Variants in RBFOX1 observed in about 807,000 individuals in gnomAD.
The protein encoded by RBFOX1 is RNA binding fox-1 homolog 1.
In RBFOX1, 8 loss-of-function variants were observed where a neutral mutation model predicts 57.7. The observed-to-expected ratio is 0.14, with a 90% CI of 0.08 to 0.25. The LOEUF is 0.25. Ranked by LOEUF, RBFOX1 falls within the 10% of genes least tolerant of loss-of-function variation. The pLI is 1.00. For missense variants in RBFOX1, 611 were observed against 548.5 expected (o/e 1.11, Z -1.14); for synonymous variants, 326 against 222.4 (o/e 1.47, Z -4.15).
chr16:6,197,145 G>A (rs1222726927), intron 1 of RBFOX1, among the ~76,000 whole-genome samples: 2 of 152,134 alleles, frequency 1.3e-5, no homozygotes, highest in African/African-American at 4.8e-5. Flanking sequence ...TTAAATGCAT[G>A]CATGTCACCA....
chr16:7,251,957 G>T (rs1313918180), intron 4 of RBFOX1, among the ~76,000 whole-genome samples: 1 of 152,104 alleles, frequency 6.6e-6, no homozygotes, highest in African/African-American at 2.4e-5. Flanking sequence ...CCCACCAACA[G>T]TGGGGCACTG....
At chr16:7,053,606 G>A (rs1169723920) in intron 4 of RBFOX1, among the ~76,000 whole-genome samples, 1 of 152,190 alleles carries the variant, frequency 6.6e-6, no homozygotes, top group African/African-American at 2.4e-5. Flanking sequence ...TGCTTGGCAA[G>A]TTAAGGACGC....
intron 3 of RBFOX1, among the ~76,000 whole-genome samples, chr16:6,779,836 TA>T (rs1440037633): frequency 2.3e-5 from 1 of 44,136 alleles, no homozygotes; most frequent in African/African-American, 1.1e-4. Flanking sequence ...TATTTTTATA[TA>T]TTTATATATA....
intron 3 of RBFOX1, among the ~76,000 whole-genome samples, chr16:6,911,993 G>A (rs1022454614): frequency 2.6e-5 from 4 of 152,220 alleles, no homozygotes; most frequent in South Asian, 2.1e-4. Context: ...GAATAAAGAT[G>A]TTAAGTAGAG....
Position 7,330,472 on chromosome 16 carries a change from C to CTGTGTG in RBFOX1, c.28-187643_28-187638dup, listed in dbSNP as rs71391624. On this transcript the variant is annotated intron_variant, in intron 4 of 15. Coordinates refer to ENST00000550418, the MANE Select transcript of RBFOX1 (RefSeq NM_018723.4). ...GTGGAACCCCAGAATATGGAGAGCTCTGTGTGTGTGTGTGTGTGTGTGTGT... is the reference window on the plus strand; with the variant it reads ...GTGGAACCCCAGAATATGGAGAGCTCTGTGTGTGTGTGTGTGTGTGTGTGTGTGTGT... 2.0e-3 allele frequency among the ~76,000 whole-genome samples: 189 copies of CTGTGTG among 94,408 alleles called. 2 individuals carry two copies. Among genetic ancestry groups the CTGTGTG allele is most frequent in the South Asian group, 4.4e-3 (11 of 2,476 alleles). 61.9% of individuals were successfully genotyped at this position (94,408 alleles called of 152,430 possible). A position where few individuals can be genotyped will look rare whatever the true frequency, so the allele number is the denominator to read the frequency against.
At chr16:5,804,554 G>A (rs554500234) in intron 3 of RBFOX1, among the ~76,000 whole-genome samples, 1 of 152,152 alleles carries the variant, frequency 6.6e-6, no homozygotes, top group Non-Finnish European at 1.5e-5. Flanking sequence ...TGAATTCCAG[G>A]TATGAGTTGC....
intron 3 of RBFOX1, among the ~76,000 whole-genome samples, chr16:5,835,574 A>T (rs1341642989): frequency 6.6e-6 from 1 of 152,180 alleles, no homozygotes; most frequent in Non-Finnish European, 1.5e-5. Context: ...GGCAGGGCCC[A>T]GGAATCTGCA....
At chr16:6,687,696 T>C (rs570885270) in intron 3 of RBFOX1, among the ~76,000 whole-genome samples, 3 of 152,276 alleles carry the variant, frequency 2.0e-5, no homozygotes, top group African/African-American at 7.2e-5. Context: ...CTGTATGGTT[T>C]TTCAAAGTTG....
chr16:5,351,498 G>T (rs1280350294), intron 1 of RBFOX1, among the ~76,000 whole-genome samples: 3 of 152,050 alleles, frequency 2.0e-5, no homozygotes. Flanking sequence ...CCTATTGATG[G>T]GTCTCAGGAG....
chr16:6,859,162 T>TACGTATACATAC (rs1567593044), intron 3 of RBFOX1, among the ~76,000 whole-genome samples: 1 of 90,114 alleles, frequency 1.1e-5, no homozygotes, highest in African/African-American at 6.4e-5. Flanking sequence ...TGTATATATA[T>TACGTATACATAC]ACGTATATAT....
chr16:6,308,315 C>A (rs1217006863), intron 1 of RBFOX1, among the ~76,000 whole-genome samples: 1 of 151,774 alleles, frequency 6.6e-6, no homozygotes, highest in East Asian at 1.9e-4. Flanking sequence ...TATGTAGATC[C>A]TTGTGGCCCT....
chr16:6,851,236 A>G (rs1048841052), intron 3 of RBFOX1, among the ~76,000 whole-genome samples: 5 of 152,178 alleles, frequency 3.3e-5, no homozygotes. Context: ...TTAAAATTCT[A>G]GATATAGAGA....
chr16:7,613,941 T>C (rs940638230), intron 10 of RBFOX1, among the ~76,000 whole-genome samples: 33 of 152,320 alleles, frequency 2.2e-4, no homozygotes, highest in African/African-American at 7.7e-4. Context: ...GATTTGGCTA[T>C]AAAAAGTCCT....
chr16:6,794,044 T>C (rs147407660), intron 3 of RBFOX1, among the ~76,000 whole-genome samples: 168 of 152,210 alleles, frequency 1.1e-3, no homozygotes, highest in African/African-American at 3.6e-3. Flanking sequence ...GGAATTTCTA[T>C]CAAACAGGAG....
intron 3 of RBFOX1, among the ~76,000 whole-genome samples, chr16:5,725,066 A>T (rs768300294): frequency 1.3e-5 from 2 of 152,068 alleles, no homozygotes; most frequent in Non-Finnish European, 2.9e-5. Context: ...CCAGTGGATA[A>T]TGAGGGTGTG....
At chr16:7,306,582 T>C (rs1162042245) in intron 4 of RBFOX1, among the ~76,000 whole-genome samples, 1 of 146,832 alleles carries the variant, frequency 6.8e-6, no homozygotes, top group Non-Finnish European at 1.5e-5. Context: ...ATGGTGTGCG[T>C]GTGTGTGTGT....
chr16:7,141,675 A>G (rs749951021), intron 4 of RBFOX1, among the ~76,000 whole-genome samples: 2 of 152,188 alleles, frequency 1.3e-5, no homozygotes, highest in Non-Finnish European at 2.9e-5. Flanking sequence ...AGTGTTTACA[A>G]GGGATGAGCT....
chr16:6,021,775 C>G (rs1377384304), intron 1 of RBFOX1, among the ~76,000 whole-genome samples: 1 of 152,336 alleles, frequency 6.6e-6, no homozygotes, highest in South Asian at 2.1e-4. Context: ...GTTGCTTTAC[C>G]TCTCTGAGCT....
chr16:7,536,535 A>G (rs550272619), intron 5 of RBFOX1, among the ~76,000 whole-genome samples: 124 of 152,364 alleles, frequency 8.1e-4, no homozygotes, highest in African/African-American at 2.9e-3. Context: ...CGGAGGTTGC[A>G]GTGAGCCAAG....
Sources: gnomAD v4.1 joint callset for allele counts (sites outside exome capture counted in the v4.1 genomes callset) on GRCh38, gnomAD v4.1.1 for gene constraint, MANE v1.5 for transcripts, NCBI Gene and HGNC (gene_info 2026-07-23, HGNC 2026-07-21) for gene names.